CFAP36: variants seen among roughly 807,000 people sequenced by gnomAD.
CFAP36 encodes the protein cilia- and flagella-associated protein 36.
Under a neutral mutation model 50.5 loss-of-function variants are expected in CFAP36, and 37 were observed. That is an observed-to-expected ratio of 0.73 (90% CI 0.56 to 0.96). The LOEUF (loss-of-function observed/expected upper bound fraction) is 0.96, where lower values mean the gene tolerates loss of function less well. Among genes scored for constraint, CFAP36 ranks in the 50% least tolerant of loss-of-function variants. CFAP36 has a pLI of 0.00. For synonymous variants in CFAP36, 138 were observed against 128.2 expected, an observed-to-expected ratio of 1.08 and a Z score of -0.52; for missense variants, 407 against 396.2, an observed-to-expected ratio of 1.03 and a Z score of -0.23.
intron 1 of CFAP36, among the ~76,000 whole-genome samples, chr2:55,521,893 G>A: frequency 6.6e-6 from 1 of 152,068 alleles, no homozygotes; most frequent in East Asian, 1.9e-4. Context: ...GCCTCCGAAA[G>A]TGCTGGGATT....
intron 5 of CFAP36, 111 bp downstream of exon 5, chr2:55,534,071 G>A: frequency 1.9e-6 from 1 of 523,160 alleles, no homozygotes; most frequent in Non-Finnish European, 3.3e-6. Flanking sequence ...ATTCTCTACT[G>A]AAAACCATCA....
chr2:55,540,813 C>G (rs1442053739), intron 7 of CFAP36, among the ~76,000 whole-genome samples: 1 of 151,960 alleles, frequency 6.6e-6, no homozygotes, highest in South Asian at 2.1e-4. Context: ...GAGTTCAAAA[C>G]CAGCCTGGGC....
chr2:55,543,280 G>A (rs1257344335), intron 7 of CFAP36, among the ~76,000 whole-genome samples: 2 of 152,006 alleles, frequency 1.3e-5, no homozygotes, highest in Non-Finnish European at 2.9e-5. Context: ...TGGCTCAGAG[G>A]AGCAATTAGA....
chr2:55,527,385 C>G (rs1043147683), intron 3 of CFAP36, among the ~76,000 whole-genome samples: 8 of 151,902 alleles, frequency 5.3e-5, no homozygotes, highest in Non-Finnish European at 1.0e-4. Context: ...GAGTTCGAGA[C>G]CAGCCTGGCC....
At chr2:55,521,327 T>C (rs1349734437) in intron 1 of CFAP36, among the ~76,000 whole-genome samples, 2 of 152,002 alleles carry the variant, frequency 1.3e-5, no homozygotes, top group East Asian at 1.9e-4. Flanking sequence ...TGTTTTGATT[T>C]TATTTAACTT....
intron 2 of CFAP36, among the ~76,000 whole-genome samples, chr2:55,523,342 G>A (rs1213565188): frequency 6.6e-6 from 1 of 151,888 alleles, no homozygotes; most frequent in Admixed American, 6.6e-5. Context: ...TTGAGCCTGG[G>A]AGGCAGAGGT....
chr2:55,521,621 G>GTGTGTGTA (rs1216292419), intron 1 of CFAP36, among the ~76,000 whole-genome samples: 1 of 144,240 alleles, frequency 6.9e-6, no homozygotes, highest in Non-Finnish European at 1.5e-5. Context: ...GTGTGTGTGT[G>GTGTGTGTA]TATATTTTTT....
At position 55,523,707 on chromosome 2, in the gene CFAP36, C is replaced by A; in HGVS notation, c.181-14C>A. ...TTTCTATGTAATTATAAAAGTTAAA[C>A]TTTGTTTTTTTAGGTTGAAAAGCTG... On this transcript the variant is annotated splice_polypyrimidine_tract_variant and intron_variant, in intron 2 of 9. Transcript: ENST00000349456. 6.5e-7 allele frequency: 1 copy of A among 1,530,534 alleles called. No individual in the cohort carries two copies. Among genetic ancestry groups the A allele is most frequent in the Non-Finnish European group, 9.0e-7 (1 of 1,116,934 alleles). The allele number at this position is 1,530,534 out of a possible 1,614,324, so 94.8% of individuals were successfully genotyped here.
chr2:55,526,587 G>A (rs1178270741), intron 3 of CFAP36, among the ~76,000 whole-genome samples: 1 of 152,160 alleles, frequency 6.6e-6, no homozygotes, highest in African/African-American at 2.4e-5. Flanking sequence ...GACTATAGGT[G>A]TGCACCATTA....
At chr2:55,543,697 G>T (rs779867715) in intron 7 of CFAP36, among the ~76,000 whole-genome samples, 3 of 152,114 alleles carry the variant, frequency 2.0e-5, no homozygotes, top group African/African-American at 4.8e-5. Flanking sequence ...AACAGCAGAA[G>T]CATGGTACTT....
chr2:55,543,848 T>C (rs570936043), intron 7 of CFAP36, 90 bp from the exon 8 acceptor site: 20 of 1,247,906 alleles, frequency 1.6e-5, no homozygotes, highest in East Asian at 1.4e-4. Context: ...ACAAGTATTA[T>C]TAACATTAGC....
rs17047082 is a variant in CFAP36 at position 55,535,319 on chromosome 2, T to G, written c.486-393T>G. On this transcript the variant is annotated intron_variant, in intron 5 of 9. Transcript: ENST00000349456. Reference sequence around the variant, plus strand: ...CTCAGATGCCATTGGAACAATGACATTTTATCAAGAGGGGTATAATGGCTC... The same window carrying G: ...CTCAGATGCCATTGGAACAATGACAGTTTATCAAGAGGGGTATAATGGCTC... Among the ~76,000 whole-genome samples the G allele has an allele frequency of 7.5e-3, 1,144 of 152,312 alleles. 19 individuals are homozygous for G. The highest frequency in any genetic ancestry group is 0.026 in the African/African-American group (1,094 of 41,566).
chr2:55,522,413 ATCTTAT>A (rs1358770672), intron 2 of CFAP36, among the ~76,000 whole-genome samples: 1 of 152,116 alleles, frequency 6.6e-6, no homozygotes, highest in Non-Finnish European at 1.5e-5. Flanking sequence ...TATTCTTTAT[ATCTTAT>A]TCTTATTTTG....
intron 1 of CFAP36, among the ~76,000 whole-genome samples, 155 bp from the exon 2 acceptor site, chr2:55,521,947 G>C (rs1217647273): frequency 6.6e-6 from 1 of 152,006 alleles, no homozygotes; most frequent in Non-Finnish European, 1.5e-5. Flanking sequence ...TATATTTTTA[G>C]ATATATTCAT....
intron 4 of CFAP36, among the ~76,000 whole-genome samples, chr2:55,533,588 T>C (rs1574620250): frequency 6.6e-6 from 1 of 151,410 alleles, no homozygotes; most frequent in South Asian, 2.1e-4. Context: ...CCAGCTACTC[T>C]GGAGGCTGAG....
At chr2:55,521,676 C>A (rs1368597473) in intron 1 of CFAP36, among the ~76,000 whole-genome samples, 1 of 149,964 alleles carries the variant, frequency 6.7e-6, no homozygotes, top group East Asian at 2.0e-4. Flanking sequence ...GCCGCCCAGG[C>A]TGGAGTGCAG....
intron 3 of CFAP36, among the ~76,000 whole-genome samples, chr2:55,525,813 G>A (rs1327097433): frequency 1.3e-5 from 2 of 152,166 alleles, no homozygotes; most frequent in African/African-American, 4.8e-5. Flanking sequence ...TGTATTTTTA[G>A]TAGAGGCAGG....
At chr2:55,529,647 CT>C (rs762612056) in intron 4 of CFAP36, among the ~76,000 whole-genome samples, 122 of 126,502 alleles carry the variant, frequency 9.6e-4, no homozygotes, top group Admixed American at 2.4e-3. Context: ...AGCAGTGGTT[CT>C]TTTTTTTTTT....
intron 4 of CFAP36, among the ~76,000 whole-genome samples, chr2:55,532,245 C>T (rs1684372121): frequency 6.6e-6 from 1 of 151,686 alleles, no homozygotes; most frequent in African/African-American, 2.4e-5. Flanking sequence ...AGAATGTTGC[C>T]TGACTAAGAT....
Sources: allele counts gnomAD v4.1 joint callset (sites outside exome capture counted in the v4.1 genomes callset), GRCh38; gene constraint gnomAD v4.1.1; transcripts MANE v1.5; gene names NCBI Gene and HGNC (gene_info 2026-07-23, HGNC 2026-07-21).